C2orf49: variants seen among roughly 807,000 people sequenced by gnomAD.
The protein encoded by C2orf49 is tRNA splicing ligase complex subunit 2, also known as tRNA-splicing ligase complex subunit ASW.
In C2orf49, 11 loss-of-function variants were observed where a neutral mutation model predicts 20.6. The observed-to-expected ratio is 0.53, with a 90% CI of 0.34 to 0.88. C2orf49 has a LOEUF of 0.88. Among genes scored for constraint, C2orf49 ranks in the 40% least tolerant of loss-of-function variants. The pLI is 0.02. For synonymous variants in C2orf49, 134 were observed against 108.5 expected, an observed-to-expected ratio of 1.24 and a Z score of -1.46; for missense variants, 289 against 274.2, an observed-to-expected ratio of 1.05 and a Z score of -0.38.
At chr2:105,372,422 T>C in the C2orf49 span, among the ~76,000 whole-genome samples, 1 of 152,120 alleles carries the variant, frequency 6.6e-6, no homozygotes, top group African/African-American at 2.4e-5. Flanking sequence ...AGACAGCGTT[T>C]TACCATGTTA....
At chr2:105,351,538 T>C (rs946459092), downstream of C2orf49, among the ~76,000 whole-genome samples, 1 of 152,160 alleles carries the variant, frequency 6.6e-6, no homozygotes, top group African/African-American at 2.4e-5. Context: ...TGGGTTAAAG[T>C]CTAATGTGTG....
the C2orf49 span, among the ~76,000 whole-genome samples, chr2:105,365,449 A>G: frequency 6.6e-6 from 1 of 152,232 alleles, no homozygotes; most frequent in Non-Finnish European, 1.5e-5. Context: ...CATTTCTGCA[A>G]ATGAATAAAG....
chr2:105,378,259 G>C, the C2orf49 span: 1 of 458,276 alleles, frequency 2.2e-6, no homozygotes, highest in Non-Finnish European at 4.5e-6. Context: ...CGTGACACTT[G>C]AAACTGTCCC....
downstream of C2orf49, among the ~76,000 whole-genome samples, chr2:105,352,122 C>T (rs914691153): frequency 3.2e-4 from 48 of 152,294 alleles, no homozygotes; most frequent in Middle Eastern, 6.8e-3. Context: ...AGCCTCTACC[C>T]ATGTGAGAAA....
At position 105,339,708 on chromosome 2, in the gene C2orf49, A is replaced by G; in HGVS notation, c.225A>G (p.Glu75=). The change falls in exon 2 of 4, where the codon GAA becomes GAG. Residue 75 remains glutamate, a synonymous_variant. Coordinates refer to ENST00000258457, the MANE Select transcript of C2orf49 (RefSeq NM_024093.3). ...AGAATAGATGGGGGAAAATGATGGA[A>G]AAGAAAAGAGAACAACATGAGATTA... ...LPKNRWGKMM[E]KKREQHEIKN... is the part of the protein sequence containing the mutation. The G allele has an allele frequency of 6.2e-7, 1 of 1,605,888 alleles. No individual in the cohort carries two copies. The highest frequency in any genetic ancestry group is 8.5e-7 in the Non-Finnish European group (1 of 1,178,408).
At chr2:105,378,434 G>A in the C2orf49 span, 1 of 296,862 alleles carries the variant, frequency 3.4e-6, no homozygotes, top group Non-Finnish European at 6.6e-6. Flanking sequence ...TATATCCCCT[G>A]GGAACCATTT....
Position 105,342,863 on chromosome 2 carries a change from T to A in C2orf49, c.282T>A (p.Asp94Glu), listed in dbSNP as rs749168717. The change falls in exon 3 of 4, where the codon GAT becomes GAA. Residue 94 changes from aspartate (D) to glutamate (E), a missense_variant. By Grantham distance (45) the Asp-to-Glu change is conservative. Coordinates refer to ENST00000258457, the MANE Select transcript of C2orf49 (RefSeq NM_024093.3). The part of the protein sequence containing the change: ...KNETKRSSTV[D>E]GLRKRPLIVF... ...TTGATTTCAGGAGTAGCACTGTAGA[T>A]GGGTTAAGGAAAAGACCCCTCATCG... The A allele has an allele frequency of 8.7e-6, 14 of 1,613,208 alleles. No individual in the cohort carries two copies. The highest frequency in any genetic ancestry group is 1.1e-5 in the Non-Finnish European group (13 of 1,179,274).
At chr2:105,381,637 C>T in the C2orf49 span, among the ~76,000 whole-genome samples, 1 of 152,176 alleles carries the variant, frequency 6.6e-6, no homozygotes, top group Non-Finnish European at 1.5e-5. Flanking sequence ...GACAGCTTTG[C>T]TTCTGATCCT....
At chr2:105,373,441 A>G in the C2orf49 span, 1 of 1,089,778 alleles carries the variant, frequency 9.2e-7, no homozygotes, top group Non-Finnish European at 1.4e-6. Context: ...GTTCAAGGTC[A>G]AACTGGAAAG....
chr2:105,339,855 A>T, intron 2 of C2orf49, 106 bp downstream of exon 2: 1 of 1,004,718 alleles, frequency 1.0e-6, no homozygotes, highest in African/African-American at 1.6e-5. Context: ...TTATTTACTC[A>T]ATGACTATCT....
chr2:105,338,562 C>G (rs1198550839), intron 1 of C2orf49, among the ~76,000 whole-genome samples: 1 of 152,072 alleles, frequency 6.6e-6, no homozygotes, highest in Non-Finnish European at 1.5e-5. Context: ...TTGTTGCTGG[C>G]CCAGAAAGCA....
the C2orf49 span, among the ~76,000 whole-genome samples, chr2:105,366,285 G>T: frequency 1.3e-5 from 2 of 152,220 alleles, no homozygotes; most frequent in African/African-American, 4.8e-5. Flanking sequence ...CTTAGAAAAG[G>T]TGTGGGCAAG....
the C2orf49 span, among the ~76,000 whole-genome samples, chr2:105,355,369 G>C: frequency 6.6e-6 from 1 of 152,206 alleles, no homozygotes; most frequent in Non-Finnish European, 1.5e-5. Flanking sequence ...TAGCCCATGT[G>C]TCTGGTAAAG....
chr2:105,345,493 G>A lies in C2orf49; in HGVS notation c.*122G>A. 3 of 774,966 alleles carry A rather than the reference G, an allele frequency of 3.9e-6. No individual in the cohort carries two copies. The allele number at this position is 774,966 out of a possible 1,614,324, so 48.0% of individuals were successfully genotyped here. A position where few individuals can be genotyped will look rare whatever the true frequency, so the allele number is the denominator to read the frequency against. On this transcript the variant is annotated 3_prime_UTR_variant, in exon 4 of 4. Transcript: ENST00000258457. The stretch of plus-strand genomic sequence containing the variant: ...AATTTTCTTAAGAGGTTTCAAATAG[G>A]TTTAAAAAAATAAAGGATTTATTTT...
At chr2:105,359,675 C>T in the C2orf49 span, 1 of 152,228 alleles carries the variant, frequency 6.6e-6, no homozygotes, top group Non-Finnish European at 1.5e-5. Context: ...ACTACTGCCA[C>T]ACTAGTAGCT....
At chr2:105,361,488 G>A in the C2orf49 span, 1 of 1,523,362 alleles carries the variant, frequency 6.6e-7, no homozygotes, top group African/African-American at 1.4e-5. Flanking sequence ...TCAGGCAACT[G>A]GGACTGAAGA....
the C2orf49 span, chr2:105,361,118 T>C: frequency 1.1e-5 from 7 of 636,604 alleles, no homozygotes; most frequent in Non-Finnish European, 1.8e-5. Context: ...GACTGAACTA[T>C]CACAAAGCAC....
chr2:105,349,556 A>G (rs1410017475), downstream of C2orf49, among the ~76,000 whole-genome samples: 3 of 152,216 alleles, frequency 2.0e-5, no homozygotes, highest in Admixed American at 1.3e-4. Flanking sequence ...ATTGTGGAAT[A>G]AAAAATAGAG....
the C2orf49 span, among the ~76,000 whole-genome samples, chr2:105,384,177 GC>G: frequency 6.6e-6 from 1 of 152,140 alleles, no homozygotes; most frequent in Non-Finnish European, 1.5e-5. Context: ...CTTACCTTTT[GC>G]CAGATGATAT....
Sources: gnomAD v4.1 joint callset for allele counts (sites outside exome capture counted in the v4.1 genomes callset) on GRCh38, gnomAD v4.1.1 for gene constraint, MANE v1.5 for transcripts, NCBI Gene and HGNC (gene_info 2026-07-23, HGNC 2026-07-21) for gene names.